The following MICALL1 variants were observed in gnomAD, a reference collection of about 807,000 sequenced individuals.
MICALL1 encodes the protein MICAL like 1, also known as MICAL-like protein 1.
In MICALL1, 61 loss-of-function variants were observed where a neutral mutation model predicts 83.7. That is an observed-to-expected ratio of 0.73 (90% CI 0.59 to 0.90). MICALL1 has a LOEUF of 0.90. Ranked by LOEUF, MICALL1 falls within the 40% of genes least tolerant of loss-of-function variation. The pLI is 0.00. For synonymous variants in MICALL1, 481 were observed against 473.6 expected (o/e 1.02, Z -0.20); for missense variants, 1,066 against 1,152.0 (o/e 0.93, Z 1.08).
At chr22:37,908,420 C>A (rs930687245) in intron 1 of MICALL1, among the ~76,000 whole-genome samples, 6 of 151,982 alleles carry the variant, frequency 3.9e-5, no homozygotes, top group African/African-American at 1.2e-4. Flanking sequence ...CCCACCTCAA[C>A]CTCCCTAGTA....
intron 3 of MICALL1, among the ~76,000 whole-genome samples, chr22:37,915,775 A>T (rs1414959111): frequency 1.3e-5 from 2 of 150,872 alleles, no homozygotes; most frequent in Non-Finnish European, 2.9e-5. Context: ...TCTCCCAAGT[A>T]GCTGGGATTA....
intron 13 of MICALL1, among the ~76,000 whole-genome samples, chr22:37,933,779 G>A (rs927905945): frequency 3.9e-5 from 6 of 152,326 alleles, no homozygotes; most frequent in African/African-American, 1.2e-4. Flanking sequence ...CTCAGGCATG[G>A]TGCCAGCCCT....
At chr22:37,934,767 T>C (rs1930000215) in intron 13 of MICALL1, among the ~76,000 whole-genome samples, 1 of 149,780 alleles carries the variant, frequency 6.7e-6, no homozygotes, top group Non-Finnish European at 1.5e-5. Context: ...CGGCTAATTT[T>C]TTGTGTTTTT....
At chr22:37,928,761 C>T (rs1362886101) in intron 9 of MICALL1, among the ~76,000 whole-genome samples, 1 of 152,088 alleles carries the variant, frequency 6.6e-6, no homozygotes, top group African/African-American at 2.4e-5. Context: ...CCAGTCATCC[C>T]GTATTGTCTG....
Position 37,933,086 on chromosome 22 carries a change from A to G in MICALL1, c.2282A>G (p.Glu761Gly), listed in dbSNP as rs763681257. 6.2e-7 allele frequency: 1 copy of G among 1,613,846 alleles called. No homozygotes were observed. Among genetic ancestry groups the G allele is most frequent in the East Asian group, 2.2e-5 (1 of 44,848 alleles). Residue 761 changes from glutamate (E) to glycine (G), a missense_variant, in exon 13 of 16, where the codon GAG (glutamate) becomes GGG (glycine). Physicochemically the swap from Glu to Gly is moderately conservative, Grantham distance 98. Coordinates refer to ENST00000215957, the MANE Select transcript of MICALL1 (RefSeq NM_033386.4). ...LEQRQADVEY[E>G]LRCLLNKPEK... ...CAGCGCCAGGCTGATGTCGAGTATG[A>G]GCTCCGGTGCCTCCTCAATAAGCCA...
chr22:37,911,073 C>T (rs10212043), intron 1 of MICALL1, among the ~76,000 whole-genome samples: 1 of 152,008 alleles, frequency 6.6e-6, no homozygotes, highest in African/African-American at 2.4e-5. Context: ...TTTCAGCGGC[C>T]TGGAGTGGGG....
In MICALL1 at chr22:37,924,718, G is replaced by C; in HGVS notation, c.1082+1G>C. The C allele has an allele frequency of 6.2e-7, 1 of 1,612,296 alleles. No homozygotes were observed. On this transcript the variant is annotated splice_donor_variant, in intron 7 of 15. Transcript: ENST00000215957. LOFTEE classifies it high-confidence loss of function. This position sits in a 1 kb window ranked among gnomAD's most constrained non-coding sequence, Gnocchi z 5.2. ...GGGGGACACCGAAGCCGTCCGAGGG[G>C]TATGTCGATCCCTGAGGGGCTTTCC...
At chr22:37,907,912 A>G (rs547933699) in intron 1 of MICALL1, among the ~76,000 whole-genome samples, 2 of 152,172 alleles carry the variant, frequency 1.3e-5, no homozygotes, top group Non-Finnish European at 2.9e-5. Context: ...GGGTAGAAGG[A>G]TGGAGGAAAA....
chr22:37,912,344 AC>A lies in MICALL1; in HGVS notation c.196-3del. 1 of 1,600,044 alleles carries A rather than the reference AC, an allele frequency of 6.2e-7. No individual in the cohort carries two copies. The highest frequency in any genetic ancestry group is 8.5e-7 in the Non-Finnish European group (1 of 1,171,172). Reference sequence around the variant, plus strand: ...TGCTCCCGCCCTTGTACCTGTCACCACCCCAGGCCTTTGAAGTGGCTGAGAA... The same window carrying A: ...TGCTCCCGCCCTTGTACCTGTCACCACCCAGGCCTTTGAAGTGGCTGAGAA... On this transcript the variant is annotated splice_polypyrimidine_tract_variant and splice_region_variant and intron_variant, in intron 2 of 15. Coordinates refer to ENST00000215957, the MANE Select transcript of MICALL1 (RefSeq NM_033386.4).
At chr22:37,939,472 C>T (rs1367532024) in intron 15 of MICALL1, among the ~76,000 whole-genome samples, 3 of 152,102 alleles carry the variant, frequency 2.0e-5, no homozygotes, top group Non-Finnish European at 4.4e-5. Flanking sequence ...TGGGTGAATC[C>T]AGCCTTTTAA....
chr22:37,911,175 G>A (rs1928300740), intron 1 of MICALL1, among the ~76,000 whole-genome samples: 1 of 152,218 alleles, frequency 6.6e-6, no homozygotes, highest in Admixed American at 6.5e-5. Context: ...ACCTTTCCTA[G>A]TTTAGAAAAT....
chr22:37,912,062 T>C, intron 2 of MICALL1, 62 bp downstream of exon 2: 1 of 1,560,186 alleles, frequency 6.4e-7, no homozygotes, highest in Non-Finnish European at 8.8e-7. Context: ...TGTGTGTGTG[T>C]GTTTGGTGGG....
Position 37,906,326 on chromosome 22 carries a change from C to T in MICALL1, c.-97C>T, listed in dbSNP as rs1927933385. ...GCCGGTCGGCGCCCGAGCTCGGAGC[C>T]GCAGCCGCAGCCGGAAACCGGGCCC... On this transcript the variant is annotated 5_prime_UTR_variant, in exon 1 of 16. Transcript: ENST00000215957. This position sits in a 1 kb window ranked among gnomAD's most constrained non-coding sequence, Gnocchi z 4.4. 3.3e-6 allele frequency: 3 copies of T among 906,490 alleles called. No homozygotes were observed. In the South Asian group the frequency reaches 1.5e-4, roughly 45 times the overall value. 56.2% of individuals were successfully genotyped at this position (906,490 alleles called of 1,614,324 possible). A position where few individuals can be genotyped will look rare whatever the true frequency, so the allele number is the denominator to read the frequency against.
intron 1 of MICALL1, among the ~76,000 whole-genome samples, chr22:37,911,614 C>T (rs1388822003): frequency 1.3e-5 from 2 of 152,196 alleles, no homozygotes; most frequent in African/African-American, 4.8e-5. Context: ...CCACGGACTC[C>T]AGGGGTGGCT....
At chr22:37,933,244 C>A in intron 13 of MICALL1, 132 bp downstream of exon 13, 1 of 878,668 alleles carries the variant, frequency 1.1e-6, no homozygotes. Context: ...GGAGGAGGTG[C>A]GGGGCAGGGC....
intron 1 of MICALL1, among the ~76,000 whole-genome samples, chr22:37,911,003 G>A (rs1928285421): frequency 6.6e-6 from 1 of 152,248 alleles, no homozygotes; most frequent in Admixed American, 6.5e-5. Flanking sequence ...AGAAGGGCAA[G>A]GCTGCATGCG....
Position 37,937,737 on chromosome 22 carries a change from T to G in MICALL1, c.2424-9T>G. 1.2e-6 allele frequency: 2 copies of G among 1,613,094 alleles called. No individual in the cohort carries two copies. The highest frequency in any genetic ancestry group is 1.7e-6 in the Non-Finnish European group (2 of 1,179,404). ...CCACGCCCAGCTTAACTGCTGCTGC[T>G]TATTTCAGGGAGGAAGAGGAAGACA... On this transcript the variant is annotated splice_polypyrimidine_tract_variant and intron_variant, in intron 14 of 15. Coordinates refer to ENST00000215957, the MANE Select transcript of MICALL1 (RefSeq NM_033386.4).
In MICALL1 at chr22:37,932,708, G is replaced by A. The variant is rs775532165; in HGVS notation, c.2143+29G>A. On this transcript the variant is annotated intron_variant, in intron 11 of 15. Coordinates refer to ENST00000215957, the MANE Select transcript of MICALL1 (RefSeq NM_033386.4). This position sits in a 1 kb window ranked among gnomAD's most constrained non-coding sequence, Gnocchi z 4.4. ...CGGGAGCGGCTGGGAGGGCCTGCTG[G>A]GTGGGGCTGGGGGCAGGAGCCTCTA... is the stretch of plus-strand genomic sequence containing the variant. 9.3e-5 allele frequency: 150 copies of A among 1,612,240 alleles called. No individual in the cohort carries two copies. In the South Asian group the frequency reaches 1.5e-3, roughly 16 times the overall value.
chr22:37,922,728 G>A (rs1269575806), intron 6 of MICALL1, among the ~76,000 whole-genome samples: 1 of 141,838 alleles, frequency 7.1e-6, no homozygotes, highest in Non-Finnish European at 1.5e-5. Flanking sequence ...TCCTGCCTCA[G>A]CCTCCTGAGT....
Sources: allele counts gnomAD v4.1 joint callset (sites outside exome capture counted in the v4.1 genomes callset), GRCh38; gene constraint gnomAD v4.1.1; non-coding constraint Gnocchi (gnomAD v3.1); transcripts MANE v1.5; gene names NCBI Gene and HGNC (gene_info 2026-07-23, HGNC 2026-07-21).